ICA1L: variants seen among roughly 807,000 people sequenced by gnomAD.
ICA1L encodes islet cell autoantigen 1-like protein.
ICA1L carries 50 observed loss-of-function variants against 61.3 expected under a neutral mutation model. The ratio of observed to expected loss-of-function variants is 0.82; its 90% CI spans 0.65 to 1.03. The LOEUF (loss-of-function observed/expected upper bound fraction) is 1.03, where lower values mean the gene tolerates loss of function less well. Ranked by LOEUF, ICA1L falls within the 50% of genes least tolerant of loss-of-function variation. The pLI is 0.00. For synonymous variants in ICA1L, 161 were observed against 191.3 expected (o/e 0.84, Z 1.31); for missense variants, 508 against 556.7 (o/e 0.91, Z 0.88).
chr2:202,786,035 A>C, intron 11 of ICA1L, 28 bp from the exon 12 acceptor site: 1 of 1,299,636 alleles, frequency 7.7e-7, no homozygotes, highest in South Asian at 1.3e-5. Context: ...AAAATTGTCC[A>C]TTGTTAATCA....
intron 1 of ICA1L, among the ~76,000 whole-genome samples, chr2:202,856,871 C>A (rs1207934394): frequency 4.6e-5 from 7 of 152,110 alleles, no homozygotes; most frequent in Admixed American, 4.6e-4. Flanking sequence ...TGAGTGAACT[C>A]CCATTCACAA....
At chr2:202,807,855 AG>A (rs1387054252) in intron 9 of ICA1L, among the ~76,000 whole-genome samples, 1 of 152,096 alleles carries the variant, frequency 6.6e-6, no homozygotes, top group Non-Finnish European at 1.5e-5. Context: ...TCACATTTTT[AG>A]ACATACCCAG....
At chr2:202,846,966 T>C (rs1484724171) in intron 1 of ICA1L, among the ~76,000 whole-genome samples, 1 of 152,204 alleles carries the variant, frequency 6.6e-6, no homozygotes. Context: ...AGAAATAGGA[T>C]TGAAATTCTG....
chr2:202,862,959 G>C (rs1694961594), intron 1 of ICA1L, among the ~76,000 whole-genome samples: 1 of 151,702 alleles, frequency 6.6e-6, no homozygotes, highest in Admixed American at 6.6e-5. Flanking sequence ...TTCAACTAAA[G>C]CATGATTAGA....
intron 11 of ICA1L, among the ~76,000 whole-genome samples, chr2:202,786,512 G>T (rs1194185886): frequency 6.6e-6 from 1 of 151,994 alleles, no homozygotes; most frequent in African/African-American, 2.4e-5. Flanking sequence ...TTGCGCCACT[G>T]CAGTCCGCAG....
At chr2:202,793,552 C>CATGTAATCCCAGCTA in intron 10 of ICA1L, among the ~76,000 whole-genome samples, 1 of 134,334 alleles carries the variant, frequency 7.4e-6, no homozygotes, top group East Asian at 2.3e-4. Context: ...GTGGCAGGTG[C>CATGTAATCCCAGCTA]ATGTAATCCC....
chr2:202,790,928 A>T (rs949959314), intron 10 of ICA1L, among the ~76,000 whole-genome samples: 2 of 152,222 alleles, frequency 1.3e-5, no homozygotes, highest in African/African-American at 2.4e-5. Flanking sequence ...GAAGCCGACC[A>T]TAAAACTGAT....
intron 5 of ICA1L, 65 bp downstream of exon 5, chr2:202,819,636 T>G: frequency 8.4e-7 from 1 of 1,196,810 alleles, no homozygotes; most frequent in East Asian, 2.3e-5. Flanking sequence ...TTTTATTATC[T>G]TAATTATTCT....
At chr2:202,847,703 A>ATATATATATATATATATATATATG (rs11274512) in intron 1 of ICA1L, among the ~76,000 whole-genome samples, 8,557 of 130,850 alleles carry the variant, frequency 0.065, 630 homozygotes, top group Admixed American at 0.08. Context: ...AATTATATAT[A>ATATATATATATATATATATATATG]TATATAGTTA....
intron 7 of ICA1L, 118 bp from the exon 8 acceptor site, chr2:202,814,902 G>A (rs1693488056): frequency 5.7e-6 from 4 of 699,792 alleles, no homozygotes; most frequent in South Asian, 5.5e-5. Context: ...CTGAACTAGA[G>A]AGTGAAAGAT....
At chr2:202,830,279 G>A (rs970566728) in intron 1 of ICA1L, among the ~76,000 whole-genome samples, 15 of 152,050 alleles carry the variant, frequency 9.9e-5, no homozygotes, top group Non-Finnish European at 1.9e-4. Flanking sequence ...ATGGTGGCAC[G>A]TACCTGTAAT....
intron 1 of ICA1L, among the ~76,000 whole-genome samples, chr2:202,837,650 T>C (rs763990829): frequency 1.3e-5 from 2 of 152,160 alleles, no homozygotes; most frequent in Non-Finnish European, 2.9e-5. Context: ...CTGATATTTA[T>C]GATTTTCTTC....
At chr2:202,861,939 CTT>C (rs144579510) in intron 1 of ICA1L, among the ~76,000 whole-genome samples, 12 of 123,010 alleles carry the variant, frequency 9.8e-5, no homozygotes, top group African/African-American at 1.2e-4. Flanking sequence ...AAGCCTCCGC[CTT>C]TTTTTTTTTT....
At chr2:202,840,966 T>C (rs568809917) in intron 1 of ICA1L, 15 of 692,922 alleles carry the variant, frequency 2.2e-5, no homozygotes, top group African/African-American at 2.1e-4. Context: ...CTGGCTGTGG[T>C]TGGCCATCTC....
In ICA1L at chr2:202,819,895, C is replaced by T. The variant is rs757922597; in HGVS notation, c.364G>A (p.Ala122Thr). 2 of 1,612,942 alleles carry T rather than the reference C, an allele frequency of 1.2e-6. No individual in the cohort carries two copies. Among genetic ancestry groups the T allele is most frequent in the Non-Finnish European group, 1.7e-6 (2 of 1,179,204 alleles). ...AGACGAGACAGAGGAGTACACAGGGCCAATCTAATGGCAGAGAGGTAAAAA... is the reference window on the plus strand; with the variant it reads ...AGACGAGACAGAGGAGTACACAGGGTCAATCTAATGGCAGAGAGGTAAAAA... Reference protein sequence around the residue: ...ALCSSAKQRLALCTPLSRLKQ... With the variant: ...ALCSSAKQRLTLCTPLSRLKQ... The change falls in exon 5 of 13, where the codon GCC becomes ACC. Residue 122 changes from alanine (A) to threonine (T), a missense_variant. Ala to Thr is a moderately conservative substitution (Grantham distance 58, BLOSUM62 0). Coordinates refer to ENST00000358299, the MANE Select transcript of ICA1L (RefSeq NM_001288622.3).
At chr2:202,839,705 G>T (rs1694268694) in intron 1 of ICA1L, among the ~76,000 whole-genome samples, 1 of 151,744 alleles carries the variant, frequency 6.6e-6, no homozygotes, top group Non-Finnish European at 1.5e-5. Flanking sequence ...TTATTGATAG[G>T]TAAGGACTTA....
At chr2:202,781,878 G>GT (rs999384514) in intron 12 of ICA1L, among the ~76,000 whole-genome samples, 3 of 152,130 alleles carry the variant, frequency 2.0e-5, no homozygotes, top group Admixed American at 2.0e-4. Flanking sequence ...CCTACACGCA[G>GT]TTTTTGAGAT....
At chr2:202,868,405 T>C (rs895851149) in intron 1 of ICA1L, among the ~76,000 whole-genome samples, 1 of 152,146 alleles carries the variant, frequency 6.6e-6, no homozygotes, top group Admixed American at 6.5e-5. Context: ...TTTTGGAAAA[T>C]GATTAGCAGT....
intron 1 of ICA1L, among the ~76,000 whole-genome samples, chr2:202,835,302 T>G (rs1267078937): frequency 2.7e-5 from 4 of 148,700 alleles, no homozygotes; most frequent in African/African-American, 9.9e-5. Flanking sequence ...ACCTCCCAAA[T>G]TCAAACAATT....
Sources: gnomAD v4.1 joint callset for allele counts (sites outside exome capture counted in the v4.1 genomes callset) on GRCh38, gnomAD v4.1.1 for gene constraint, MANE v1.5 for transcripts, NCBI Gene and HGNC (gene_info 2026-07-23, HGNC 2026-07-21) for gene names.